SGCZ: variants seen among roughly 807,000 people sequenced by gnomAD.
The protein encoded by SGCZ is sarcoglycan zeta, also known as zeta-sarcoglycan.
SGCZ carries 40 observed loss-of-function variants against 41.3 expected under a neutral mutation model. The observed-to-expected ratio is 0.97, with a 90% CI of 0.75 to 1.26. SGCZ has a LOEUF of 1.26. Among genes scored for constraint, SGCZ ranks in the 50% most tolerant of loss-of-function variants. The probability of loss-of-function intolerance (pLI) is 0.00; values close to 1 mark genes in which losing one functional copy is unlikely to be tolerated. For missense variants in SGCZ, 552 were observed against 369.8 expected (o/e 1.49, Z -4.04); for synonymous variants, 206 against 137.5 (o/e 1.50, Z -3.49).
intron 1 of SGCZ, among the ~76,000 whole-genome samples, chr8:15,031,295 A>T (rs984180645): frequency 6.6e-6 from 1 of 152,144 alleles, no homozygotes; most frequent in African/African-American, 2.4e-5. Flanking sequence ...TTTGGAGGTA[A>T]GGATCCTCAT....
At chr8:14,988,887 A>G (rs1236906560) in intron 1 of SGCZ, among the ~76,000 whole-genome samples, 2 of 152,186 alleles carry the variant, frequency 1.3e-5, no homozygotes, top group Admixed American at 6.5e-5. Flanking sequence ...CCTCTAACAA[A>G]TGAATCAATA....
At chr8:14,988,272 T>G (rs907728034) in intron 1 of SGCZ, among the ~76,000 whole-genome samples, 2 of 150,570 alleles carry the variant, frequency 1.3e-5, no homozygotes, top group Non-Finnish European at 3.0e-5. Flanking sequence ...CTAAAAAAAC[T>G]CTGAAAACAA....
chr8:14,970,529 T>C (rs1222488056), intron 1 of SGCZ, among the ~76,000 whole-genome samples: 2 of 152,158 alleles, frequency 1.3e-5, no homozygotes, highest in Non-Finnish European at 1.5e-5. Flanking sequence ...TGTATATGAA[T>C]AGCTAGTAAT....
intron 1 of SGCZ, among the ~76,000 whole-genome samples, chr8:14,691,237 T>C (rs931684297): frequency 1.3e-5 from 2 of 152,208 alleles, no homozygotes; most frequent in Admixed American, 6.5e-5. Context: ...GAAAGAATTA[T>C]CTTGATCTGA....
chr8:14,102,360 A>G lies in SGCZ; in HGVS notation c.744+16T>C, dbSNP rs375377693. 11 of 1,461,480 alleles carry G rather than the reference A, an allele frequency of 7.5e-6. No homozygotes were observed. The highest frequency in any genetic ancestry group is 5.7e-5 in the African/African-American group (4 of 70,424). The allele number at this position is 1,461,480 out of a possible 1,614,324, so 90.5% of individuals were successfully genotyped here. ...GTGGGCAGTATAGGGCGAGGGTCCAACTTTCTGGGACTCACCTCCCCTTCT... is the reference window on the plus strand; with the variant it reads ...GTGGGCAGTATAGGGCGAGGGTCCAGCTTTCTGGGACTCACCTCCCCTTCT... On this transcript the variant is annotated intron_variant, in intron 7 of 7. Coordinates refer to ENST00000382080, the MANE Select transcript of SGCZ (RefSeq NM_139167.4).
At chr8:14,628,242 GA>G (rs1198392884) in intron 1 of SGCZ, among the ~76,000 whole-genome samples, 2 of 152,032 alleles carry the variant, frequency 1.3e-5, no homozygotes, top group African/African-American at 4.8e-5. Context: ...TCTTGATCAT[GA>G]AAAAGCTTGA....
intron 1 of SGCZ, among the ~76,000 whole-genome samples, chr8:15,164,877 C>G (rs1160885079): frequency 1.3e-5 from 2 of 152,058 alleles, no homozygotes; most frequent in African/African-American, 2.4e-5. Flanking sequence ...TCCTGACTTA[C>G]GGAATAAGCT....
intron 1 of SGCZ, among the ~76,000 whole-genome samples, chr8:15,038,168 A>G (rs1479546096): frequency 2.6e-5 from 4 of 152,160 alleles, no homozygotes; most frequent in Admixed American, 1.3e-4. Context: ...AGCAAAAAGA[A>G]TAAATCTGAA....
intron 2 of SGCZ, among the ~76,000 whole-genome samples, chr8:14,452,779 G>T (rs371289328): frequency 1.2e-3 from 188 of 152,152 alleles, no homozygotes; most frequent in Non-Finnish European, 1.8e-3. Context: ...AATTCAAAAG[G>T]CAGGAAGCAT....
At chr8:14,609,796 G>C (rs1805867868) in intron 1 of SGCZ, among the ~76,000 whole-genome samples, 1 of 151,964 alleles carries the variant, frequency 6.6e-6, no homozygotes, top group South Asian at 2.1e-4. Context: ...TTCTCTTTAA[G>C]TAGCACAATA....
intron 1 of SGCZ, among the ~76,000 whole-genome samples, chr8:15,016,361 A>G (rs550654599): frequency 6.6e-6 from 1 of 152,328 alleles, no homozygotes; most frequent in African/African-American, 2.4e-5. Context: ...CCACATGGCC[A>G]TCTGATCCAC....
At chr8:14,096,598 T>A (rs942408699) in intron 7 of SGCZ, among the ~76,000 whole-genome samples, 2 of 152,178 alleles carry the variant, frequency 1.3e-5, no homozygotes, top group Admixed American at 1.3e-4. Flanking sequence ...GGTTTTGGTA[T>A]CAGGATGATG....
intron 1 of SGCZ, among the ~76,000 whole-genome samples, chr8:15,225,977 T>C (rs1801758466): frequency 6.6e-6 from 1 of 152,184 alleles, no homozygotes; most frequent in Non-Finnish European, 1.5e-5. Flanking sequence ...CTAGTCCACA[T>C]TGTAACCCCC....
intron 1 of SGCZ, among the ~76,000 whole-genome samples, chr8:14,576,755 A>T (rs1046527818): frequency 6.6e-6 from 1 of 152,160 alleles, no homozygotes; most frequent in South Asian, 2.1e-4. Context: ...CAGTGGAAGA[A>T]GCATTGTGTT....
At chr8:14,348,799 A>G (rs527630368) in intron 2 of SGCZ, among the ~76,000 whole-genome samples, 2 of 152,302 alleles carry the variant, frequency 1.3e-5, no homozygotes, top group African/African-American at 4.8e-5. Context: ...AAAAGGTTAA[A>G]GTACTGCTTT....
At chr8:14,926,427 G>C (rs915177601) in intron 1 of SGCZ, among the ~76,000 whole-genome samples, 1 of 151,848 alleles carries the variant, frequency 6.6e-6, no homozygotes, top group Admixed American at 6.6e-5. Context: ...AAATTTTTTT[G>C]GATCTAGATA....
At position 14,631,856 on chromosome 8, in the gene SGCZ, C is replaced by CT. The variant is rs201679148; in HGVS notation, c.40-76931dup. Among the ~76,000 whole-genome samples, 1,331 of 152,162 alleles carry CT rather than the reference C, an allele frequency of 8.7e-3. 18 individuals are homozygous for CT. Among genetic ancestry groups the CT allele is most frequent in the African/African-American group, 0.03 (1,262 of 41,518 alleles). On this transcript the variant is annotated intron_variant, in intron 1 of 7. Transcript: ENST00000382080. ...TATGCTTTATTTTAAAAAGAAACAA[C>CT]TTCTTAGTCTCAATTAATACACTAT...
At chr8:14,739,241 C>T (rs560556964) in intron 1 of SGCZ, among the ~76,000 whole-genome samples, 8 of 151,896 alleles carry the variant, frequency 5.3e-5, no homozygotes, top group African/African-American at 1.2e-4. Flanking sequence ...TATCTAAATA[C>T]AGCATCTGCA....
intron 1 of SGCZ, among the ~76,000 whole-genome samples, chr8:15,047,579 C>T (rs775988469): frequency 1.3e-5 from 2 of 151,866 alleles, no homozygotes; most frequent in Admixed American, 6.6e-5. Flanking sequence ...TTGAATTTCC[C>T]TCAACTAGAG....
Sources: gnomAD v4.1 joint callset for allele counts (sites outside exome capture counted in the v4.1 genomes callset) on GRCh38, gnomAD v4.1.1 for gene constraint, MANE v1.5 for transcripts, NCBI Gene and HGNC (gene_info 2026-07-23, HGNC 2026-07-21) for gene names.